TRIM36: variants seen among roughly 807,000 people sequenced by gnomAD.
The protein encoded by TRIM36 is E3 ubiquitin-protein ligase TRIM36.
TRIM36 carries 42 observed loss-of-function variants against 72.4 expected under a neutral mutation model. That is an observed-to-expected ratio of 0.58 (90% CI 0.45 to 0.75). The LOEUF (loss-of-function observed/expected upper bound fraction) is 0.75, where lower values mean the gene tolerates loss of function less well. Among genes scored for constraint, TRIM36 ranks in the 30% least tolerant of loss-of-function variants. The pLI is 0.00. For missense variants in TRIM36, 913 were observed against 857.1 expected (o/e 1.07, Z -0.81); for synonymous variants, 315 against 282.8 (o/e 1.11, Z -1.14).
At chr5:115,167,447 T>G (rs1754845889) in intron 1 of TRIM36, among the ~76,000 whole-genome samples, 1 of 152,260 alleles carries the variant, frequency 6.6e-6, no homozygotes, top group Admixed American at 6.5e-5. Flanking sequence ...ATGGTAAGGC[T>G]GCAAATTTTC....
intron 1 of TRIM36, among the ~76,000 whole-genome samples, chr5:115,164,694 T>A (rs1358140523): frequency 6.6e-6 from 1 of 152,176 alleles, no homozygotes; most frequent in Non-Finnish European, 1.5e-5. Flanking sequence ...CCTAACCATA[T>A]CATTGTGGCC....
intron 1 of TRIM36, among the ~76,000 whole-genome samples, chr5:115,168,110 C>T (rs1455900480): frequency 6.6e-6 from 1 of 152,160 alleles, no homozygotes; most frequent in African/African-American, 2.4e-5. Flanking sequence ...CCAGGTCTCT[C>T]CCTCAACACC....
upstream of TRIM36, among the ~76,000 whole-genome samples, chr5:115,172,832 A>G (rs1489693080): frequency 6.6e-6 from 1 of 152,330 alleles, no homozygotes; most frequent in Non-Finnish European, 1.5e-5. Context: ...AAAAATAAGC[A>G]TCTGGAATAG....
chr5:115,178,211 G>T (rs1253030910), intron 1 of TRIM36, among the ~76,000 whole-genome samples: 3 of 152,096 alleles, frequency 2.0e-5, no homozygotes, highest in Non-Finnish European at 4.4e-5. Context: ...ATACAATTCT[G>T]GCTTACTTTG....
At chr5:115,179,917 G>T (rs1022996961) in intron 1 of TRIM36, 35 of 1,505,322 alleles carry the variant, frequency 2.3e-5, no homozygotes, top group Middle Eastern at 1.8e-4. Context: ...ACAGTGGCGG[G>T]CCAGGTAGTG....
rs186036594 is a variant in TRIM36, at chr5:115,155,498, G to A, written c.262+8020C>T. The stretch of plus-strand genomic sequence containing the variant: ...AGTGGGTTTCATACCAGGGATGCAG[G>A]GATGGTTTAACATATGCAAGTCAAT... On this transcript the variant is annotated intron_variant, in intron 2 of 9. Coordinates refer to ENST00000513154, the MANE Select transcript of TRIM36 (RefSeq NM_001300759.2). Among the ~76,000 whole-genome samples the A allele has an allele frequency of 4.6e-5, 7 of 152,158 alleles. No individual in the cohort carries two copies. The East Asian group carries it at 7.7e-4, about 17-fold the overall frequency.
intron 5 of TRIM36, 35 bp downstream of exon 5, chr5:115,141,244 A>C (rs756903069): frequency 1.4e-6 from 2 of 1,408,870 alleles, no homozygotes; most frequent in African/African-American, 2.9e-5. Context: ...TAAAATAACA[A>C]TAATTTAAAA....
intron 2 of TRIM36, among the ~76,000 whole-genome samples, chr5:115,147,726 T>C (rs1753672184): frequency 6.6e-6 from 1 of 152,214 alleles, no homozygotes; most frequent in Admixed American, 6.5e-5. Context: ...TAAAATTATA[T>C]AATTAGCATT....
intron 1 of TRIM36, 94 bp downstream of exon 1, chr5:115,169,514 G>T: frequency 7.4e-7 from 1 of 1,359,704 alleles, no homozygotes; most frequent in South Asian, 1.4e-5. Context: ...CTCCCGGGAG[G>T]AGGCTCCCTC....
chr5:115,147,501 A>G, intron 2 of TRIM36, 107 bp from the exon 3 acceptor site: 1 of 1,304,354 alleles, frequency 7.7e-7, no homozygotes, highest in East Asian at 2.3e-5. Context: ...TATCACAAAA[A>G]CAGTATCCGA....
chr5:115,149,223 C>T (rs985442973), intron 2 of TRIM36: 1 of 152,072 alleles, frequency 6.6e-6, no homozygotes, highest in African/African-American at 2.4e-5. Context: ...CCACAGCAGG[C>T]ATATCATGAA....
In TRIM36 at chr5:115,147,362, T is replaced by C. The variant is rs1286590706; in HGVS notation, c.295A>G (p.Thr99Ala). 2 of 1,613,266 alleles carry C rather than the reference T, an allele frequency of 1.2e-6. No individual in the cohort carries two copies. Among genetic ancestry groups the C allele is most frequent in the Non-Finnish European group, 8.5e-7 (1 of 1,179,168 alleles). The change falls in exon 3 of 10, where the codon ACT (threonine) becomes GCT (alanine). Residue 99 changes from threonine to alanine, a missense_variant. Thr to Ala is a moderately conservative substitution (Grantham distance 58). Transcript: ENST00000513154. ...WKRNSLTPRT[T>A]VFPCPGCEHD... ...TCACAGCCAGGGCAAGGGAAAACAGTTGTCCTCGGGGTCAATGAATTGCGC... is the reference window on the plus strand; with the variant it reads ...TCACAGCCAGGGCAAGGGAAAACAGCTGTCCTCGGGGTCAATGAATTGCGC...
Position 115,169,699 on chromosome 5 carries a change from C to T in TRIM36, c.-65G>A. Reference sequence around the variant, plus strand: ...TCACACCGGCTACCGAGCGCAGGGTCTGGTGGGCGGGTCCCTGCGGCGGCC... The same window carrying T: ...TCACACCGGCTACCGAGCGCAGGGTTTGGTGGGCGGGTCCCTGCGGCGGCC... On this transcript the variant is annotated 5_prime_UTR_variant, in exon 1 of 10. Transcript: ENST00000513154. 6.6e-7 allele frequency: 1 copy of T among 1,504,164 alleles called. No individual in the cohort carries two copies. The highest frequency in any genetic ancestry group is 8.9e-7 in the Non-Finnish European group (1 of 1,128,110). The allele number at this position is 1,504,164 out of a possible 1,614,324, so 93.2% of individuals were successfully genotyped here.
At chr5:115,179,244 T>G (rs1364573528) in intron 1 of TRIM36, among the ~76,000 whole-genome samples, 1 of 152,176 alleles carries the variant, frequency 6.6e-6, no homozygotes, top group African/African-American at 2.4e-5. Context: ...CCTCCCGCAC[T>G]GACTCAGGCC....
chr5:115,140,750 T>G (rs1753232895), intron 5 of TRIM36, among the ~76,000 whole-genome samples: 1 of 152,202 alleles, frequency 6.6e-6, no homozygotes, highest in Non-Finnish European at 1.5e-5. Flanking sequence ...TCATTCTTAT[T>G]GCTATTTTTA....
intron 2 of TRIM36, among the ~76,000 whole-genome samples, chr5:115,160,608 C>A (rs549812390): frequency 1.3e-5 from 2 of 152,142 alleles, no homozygotes; most frequent in Admixed American, 6.5e-5. Context: ...AAGGCCAAGG[C>A]ACAAAGACTG....
chr5:115,130,872 C>T lies in TRIM36; in HGVS notation c.1516G>A (p.Asp506Asn). ...PPAPVFSFLF[D>N]EKCGYNNEHL... ...TCATTATTATAGCCACATTTTTCATCAAAGAGGAAGCTGAAAACTAAATGG... is the reference window on the plus strand; with the variant it reads ...TCATTATTATAGCCACATTTTTCATTAAAGAGGAAGCTGAAAACTAAATGG... Residue 506 changes from aspartate (D) to asparagine (N), a missense_variant, in exon 9 of 10, where the codon GAT becomes AAT. Transcript: ENST00000513154. 1 of 1,606,766 alleles carries T rather than the reference C, an allele frequency of 6.2e-7. No homozygotes were observed.
chr5:115,165,804 T>A (rs1389642547), intron 1 of TRIM36, among the ~76,000 whole-genome samples: 2 of 151,978 alleles, frequency 1.3e-5, no homozygotes, highest in African/African-American at 4.8e-5. Flanking sequence ...CCAGGATGCC[T>A]CTCTTCCCCC....
At chr5:115,164,858 G>A (rs996012665) in intron 1 of TRIM36, among the ~76,000 whole-genome samples, 1 of 152,188 alleles carries the variant, frequency 6.6e-6, no homozygotes, top group African/African-American at 2.4e-5. Flanking sequence ...TAGGGGCCTG[G>A]AGAATCAAAA....
Sources: gnomAD v4.1 joint callset for allele counts (sites outside exome capture counted in the v4.1 genomes callset) on GRCh38, gnomAD v4.1.1 for gene constraint, MANE v1.5 for transcripts, NCBI Gene and HGNC (gene_info 2026-07-23, HGNC 2026-07-21) for gene names.